The following RSRC1 variants were observed in gnomAD, a reference collection of about 807,000 sequenced individuals.
RSRC1 encodes the protein serine/Arginine-related protein 53.
Under a neutral mutation model 49.1 loss-of-function variants are expected in RSRC1, and 39 were observed. The observed-to-expected ratio is 0.79, with a 90% CI of 0.61 to 1.04. The LOEUF (loss-of-function observed/expected upper bound fraction) is 1.04. Among genes scored for constraint, RSRC1 ranks in the 50% least tolerant of loss-of-function variants. The probability of loss-of-function intolerance (pLI) is 0.00; values close to 1 mark genes in which losing one functional copy is unlikely to be tolerated. For missense variants in RSRC1, 388 were observed against 402.4 expected (o/e 0.96, Z 0.31); for synonymous variants, 143 against 130.8 (o/e 1.09, Z -0.63).
At chr3:158,285,560 T>G (rs1007406818) in intron 4 of RSRC1, among the ~76,000 whole-genome samples, 1 of 152,210 alleles carries the variant, frequency 6.6e-6, no homozygotes, top group African/African-American at 2.4e-5. Flanking sequence ...TATCCTCTTT[T>G]ATTTCATTGA....
chr3:158,424,756 C>A (rs892606026), intron 6 of RSRC1, among the ~76,000 whole-genome samples: 5 of 151,984 alleles, frequency 3.3e-5, no homozygotes, highest in Non-Finnish European at 7.4e-5. Context: ...ACAATTTCAG[C>A]TCCTGTTATT....
chr3:158,472,607 T>C (rs1179980628), intron 7 of RSRC1, among the ~76,000 whole-genome samples: 2 of 152,168 alleles, frequency 1.3e-5, no homozygotes, highest in African/African-American at 4.8e-5. Flanking sequence ...TCTCATACTG[T>C]AAATATAAAA....
chr3:158,239,711 C>G (rs1408321846), intron 4 of RSRC1, among the ~76,000 whole-genome samples: 1 of 151,932 alleles, frequency 6.6e-6, no homozygotes, highest in Non-Finnish European at 1.5e-5. Context: ...TACCCTAGAA[C>G]TTAAAGTATT....
At chr3:158,288,038 T>C (rs1022736197) in intron 4 of RSRC1, among the ~76,000 whole-genome samples, 3 of 152,214 alleles carry the variant, frequency 2.0e-5, no homozygotes, top group Non-Finnish European at 2.9e-5. Flanking sequence ...TTTTTTGTTT[T>C]TTCGTAATGA....
At chr3:158,302,490 G>A (rs1388263250) in intron 5 of RSRC1, among the ~76,000 whole-genome samples, 2 of 151,292 alleles carry the variant, frequency 1.3e-5, no homozygotes, top group Admixed American at 1.3e-4. Flanking sequence ...TAATGACCCC[G>A]GGGTTATGTC....
intron 5 of RSRC1, among the ~76,000 whole-genome samples, chr3:158,327,783 T>A (rs908950065): frequency 6.6e-6 from 1 of 152,146 alleles, no homozygotes; most frequent in African/African-American, 2.4e-5. Context: ...TTCCTGGATA[T>A]CCTTGTTAAC....
intron 1 of RSRC1, among the ~76,000 whole-genome samples, chr3:158,120,886 C>G (rs970739437): frequency 6.9e-6 from 1 of 144,160 alleles, no homozygotes; most frequent in African/African-American, 2.6e-5. Flanking sequence ...TAACTAATAA[C>G]TATTTTAATA....
chr3:158,278,799 C>T (rs1161145857), intron 4 of RSRC1, among the ~76,000 whole-genome samples: 1 of 152,130 alleles, frequency 6.6e-6, no homozygotes, highest in Non-Finnish European at 1.5e-5. Flanking sequence ...CTCAGAAACT[C>T]ATTTTTATTT....
At chr3:158,251,957 A>T (rs1724232102) in intron 4 of RSRC1, among the ~76,000 whole-genome samples, 1 of 152,180 alleles carries the variant, frequency 6.6e-6, no homozygotes, top group African/African-American at 2.4e-5. Context: ...TGGGTCTGTC[A>T]TATATGGCTT....
intron 3 of RSRC1, among the ~76,000 whole-genome samples, chr3:158,194,766 G>A (rs971523432): frequency 2.7e-5 from 4 of 150,766 alleles, no homozygotes; most frequent in African/African-American, 9.8e-5. Context: ...TTGTCCTTGC[G>A]ATAATTTGCT....
At chr3:158,532,313 G>C (rs1421454808) in intron 7 of RSRC1, among the ~76,000 whole-genome samples, 1 of 151,792 alleles carries the variant, frequency 6.6e-6, no homozygotes, top group African/African-American at 2.4e-5. Flanking sequence ...GCCATCTTCA[G>C]TTCTCAGCCT....
At chr3:158,115,528 A>C (rs1349111839) in intron 1 of RSRC1, among the ~76,000 whole-genome samples, 1 of 152,174 alleles carries the variant, frequency 6.6e-6, no homozygotes, top group African/African-American at 2.4e-5. Flanking sequence ...ATGAATATTT[A>C]CCTTATTAAT....
At chr3:158,271,455 G>T (rs1478424370) in intron 4 of RSRC1, among the ~76,000 whole-genome samples, 1 of 152,100 alleles carries the variant, frequency 6.6e-6, no homozygotes, top group African/African-American at 2.4e-5. Flanking sequence ...TCAGAGTAGA[G>T]ATTTTAATAT....
chr3:158,300,708 T>G (rs182762602), intron 5 of RSRC1, among the ~76,000 whole-genome samples: 1 of 152,344 alleles, frequency 6.6e-6, no homozygotes, highest in African/African-American at 2.4e-5. Flanking sequence ...CCTGTACATT[T>G]GGAATTAATC....
At chr3:158,243,677 G>A (rs1723723012) in intron 4 of RSRC1, among the ~76,000 whole-genome samples, 1 of 152,132 alleles carries the variant, frequency 6.6e-6, no homozygotes, top group African/African-American at 2.4e-5. Context: ...CCATGAGCAT[G>A]GAGTGTTTTT....
intron 6 of RSRC1, among the ~76,000 whole-genome samples, chr3:158,439,453 G>A (rs1369278335): frequency 6.6e-6 from 1 of 152,100 alleles, no homozygotes; most frequent in Non-Finnish European, 1.5e-5. Context: ...AGAAAATATG[G>A]CACATATACA....
intron 1 of RSRC1, among the ~76,000 whole-genome samples, chr3:158,118,399 A>G (rs1714991983): frequency 7.1e-6 from 1 of 141,740 alleles, no homozygotes; most frequent in South Asian, 2.3e-4. Context: ...ATGCCTAGCT[A>G]AGTACCTGGC....
At chr3:158,281,084 G>T (rs1326791046) in intron 4 of RSRC1, among the ~76,000 whole-genome samples, 1 of 150,120 alleles carries the variant, frequency 6.7e-6, no homozygotes, top group Non-Finnish European at 1.5e-5. Context: ...ATTGAATTAG[G>T]ATGGTGGCAG....
chr3:158,541,874 A>G (rs1472445662), intron 8 of RSRC1, among the ~76,000 whole-genome samples: 1 of 152,140 alleles, frequency 6.6e-6, no homozygotes, highest in Non-Finnish European at 1.5e-5. Context: ...AATGTAACTA[A>G]GTAAGCACTA....
Sources: allele counts gnomAD v4.1 joint callset (sites outside exome capture counted in the v4.1 genomes callset), GRCh38; gene constraint gnomAD v4.1.1; transcripts MANE v1.5; gene names NCBI Gene and HGNC (gene_info 2026-07-23, HGNC 2026-07-21).